Variants in MX2 observed in about 807,000 individuals in gnomAD.
The protein encoded by MX2 is interferon-induced GTP-binding protein Mx2.
MX2 carries 51 observed loss-of-function variants against 74.0 expected under a neutral mutation model. That is an observed-to-expected ratio of 0.69 (90% CI 0.55 to 0.87). MX2 has a LOEUF of 0.87. MX2 is among the 40% of genes least tolerant of loss of function. The pLI is 0.00. For missense variants in MX2, 832 were observed against 908.7 expected (o/e 0.92, Z 1.09); for synonymous variants, 369 against 339.3 (o/e 1.09, Z -0.96).
intron 13 of MX2, 104 bp from the exon 14 acceptor site, chr21:41,407,887 G>T: frequency 1.3e-6 from 2 of 1,487,742 alleles, no homozygotes; most frequent in East Asian, 2.3e-5. Flanking sequence ...CCAGGGCTTC[G>T]CCAGGCAACC....
At chr21:41,387,927 C>G (rs372751111) in intron 5 of MX2, among the ~76,000 whole-genome samples, 3 of 152,214 alleles carry the variant, frequency 2.0e-5, no homozygotes, top group East Asian at 3.9e-4. Flanking sequence ...TGGGGTCAGC[C>G]CTCCCTTTTC....
intron 8 of MX2, 71 bp from the exon 9 acceptor site, chr21:41,398,826 T>C: frequency 6.4e-7 from 1 of 1,573,158 alleles, no homozygotes; most frequent in African/African-American, 1.4e-5. Flanking sequence ...GGGCTCCTAC[T>C]CATATACCAA....
chr21:41,388,813 C>T lies in MX2; in HGVS notation c.733-1752C>T, dbSNP rs1288338946. 6.6e-6 allele frequency among the ~76,000 whole-genome samples: 1 copy of T among 152,186 alleles called. No individual in the cohort carries two copies. The highest frequency in any genetic ancestry group is 1.5e-5 in the Non-Finnish European group (1 of 68,040). On this transcript the variant is annotated intron_variant, in intron 5 of 13. Transcript: ENST00000330714. This position sits in a 1 kb window ranked among gnomAD's most constrained non-coding sequence, Gnocchi z 4.0. ...TGATTCCCAGCCCAGAGCTTTTGTA[C>T]CCCCAGGGGACACTGGCAATGTCAG...
chr21:41,370,025 C>G lies in MX2; in HGVS notation c.-71-6811C>G, dbSNP rs78094091. Among the ~76,000 whole-genome samples the G allele has an allele frequency of 5.6e-3, 850 of 152,256 alleles. 8 individuals carry two copies. The highest frequency in any genetic ancestry group is 0.02 in the African/African-American group (820 of 41,532). Reference sequence around the variant, plus strand: ...GTGGAGATTGTTTTGCTAGACTCGACGAGGGTAGCAAAGCAACAGGAAGTG... The same window carrying G: ...GTGGAGATTGTTTTGCTAGACTCGAGGAGGGTAGCAAAGCAACAGGAAGTG... On this transcript the variant is annotated intron_variant, in intron 1 of 13. Coordinates refer to ENST00000330714, the MANE Select transcript of MX2 (RefSeq NM_002463.2).
intron 5 of MX2, among the ~76,000 whole-genome samples, chr21:41,383,420 T>C (rs1184496642): frequency 1.3e-5 from 2 of 152,196 alleles, no homozygotes; most frequent in African/African-American, 4.8e-5. Flanking sequence ...CTCAGGTGCC[T>C]GAATCAAATG....
intron 6 of MX2, 87 bp downstream of exon 6, chr21:41,390,790 G>A: frequency 1.4e-6 from 2 of 1,452,986 alleles, no homozygotes; most frequent in Non-Finnish European, 9.5e-7. Context: ...CGGATCACGA[G>A]GTCAGGAGAT....
intron 5 of MX2, among the ~76,000 whole-genome samples, chr21:41,384,731 T>C (rs539044269): frequency 6.6e-6 from 1 of 152,034 alleles, no homozygotes; most frequent in South Asian, 2.1e-4. Context: ...ATTAATTAGG[T>C]TCCAGCTACT....
chr21:41,393,691 G>C (rs934302571), intron 6 of MX2, among the ~76,000 whole-genome samples: 2 of 149,866 alleles, frequency 1.3e-5, no homozygotes, highest in East Asian at 3.9e-4. Context: ...ATCCGGCTGT[G>C]GTTTGTAATC....
Position 41,377,068 on chromosome 21 carries a change from G to C in MX2, c.162G>C (p.Lys54Asn). The change falls in exon 2 of 14, where the codon AAG (lysine) becomes AAC (asparagine). Residue 54 changes from lysine to asparagine, a missense_variant. Lys to Asn is a moderately conservative substitution (Grantham distance 94). Coordinates refer to ENST00000330714, the MANE Select transcript of MX2 (RefSeq NM_002463.2). ...MFPPNWQGAE[K>N]DAAFLAKDFN... ...CTCCAAACTGGCAGGGGGCAGAGAA[G>C]GACGCTGCTTTCCTCGCCAAGGACT... 1 of 1,614,222 alleles carries C rather than the reference G, an allele frequency of 6.2e-7. No individual in the cohort carries two copies. The highest frequency in any genetic ancestry group is 8.5e-7 in the Non-Finnish European group (1 of 1,180,032).
At position 41,388,385 on chromosome 21, in the gene MX2, C is replaced by T. The variant is rs551325823; in HGVS notation, c.733-2180C>T. On this transcript the variant is annotated intron_variant, in intron 5 of 13. Coordinates refer to ENST00000330714, the MANE Select transcript of MX2 (RefSeq NM_002463.2). The surrounding 1 kb of genome is among the most constrained non-coding windows in gnomAD (Gnocchi z 4.0). ...GCCTGGACTCTTGCGTGTGCATGCACGCTTCCCACTGCCCGGTGCTCTGCC... is the reference window on the plus strand; with the variant it reads ...GCCTGGACTCTTGCGTGTGCATGCATGCTTCCCACTGCCCGGTGCTCTGCC... Among the ~76,000 whole-genome samples, 22 of 152,326 alleles carry T rather than the reference C, an allele frequency of 1.4e-4. 1 individual carries two copies. The South Asian group carries it at 3.3e-3, about 23-fold the overall frequency.
intron 12 of MX2, chr21:41,403,960 C>A (rs1310955227): frequency 4.0e-6 from 1 of 249,036 alleles, no homozygotes; most frequent in Non-Finnish European, 8.1e-6. Flanking sequence ...AAAATTAAAT[C>A]CCAGTTCTGA....
chr21:41,387,865 C>T (rs1002909123), intron 5 of MX2, among the ~76,000 whole-genome samples: 2 of 152,204 alleles, frequency 1.3e-5, no homozygotes, highest in Admixed American at 1.3e-4. Context: ...ATAGACATCC[C>T]CGTCTCAGAC....
chr21:41,400,393 T>C (rs958083686), intron 10 of MX2, among the ~76,000 whole-genome samples: 1 of 152,180 alleles, frequency 6.6e-6, no homozygotes, highest in Non-Finnish European at 1.5e-5. Flanking sequence ...TTGCCCCTAA[T>C]TCAAGATCAG....
At chr21:41,383,289 G>A (rs1017888989) in intron 5 of MX2, among the ~76,000 whole-genome samples, 2 of 152,218 alleles carry the variant, frequency 1.3e-5, no homozygotes, top group African/African-American at 2.4e-5. Context: ...AAGCCCAGGA[G>A]GTCAAGGCTG....
In MX2 at chr21:41,408,252, G is replaced by T. The variant is rs1445183579; in HGVS notation, c.*19G>T. ...CCACTGAAGGGCGGCGATGCCTGTG[G>T]TTGTTTTCTTGTGCGTACTCATTCA... On this transcript the variant is annotated 3_prime_UTR_variant, in exon 14 of 14. Transcript: ENST00000330714. 5.0e-6 allele frequency: 8 copies of T among 1,612,368 alleles called. No homozygotes were observed. The highest frequency in any genetic ancestry group is 1.3e-5 in the African/African-American group (1 of 74,862).
At chr21:41,369,910 C>T (rs2089301047) in intron 1 of MX2, among the ~76,000 whole-genome samples, 1 of 149,582 alleles carries the variant, frequency 6.7e-6, no homozygotes, top group African/African-American at 2.5e-5. Context: ...AGTCGGGGAA[C>T]TTCCAGGAAG....
At position 41,368,455 on chromosome 21, in the gene MX2, G is replaced by A. The variant is rs1325787299; in HGVS notation, c.-72+6400G>A. Among the ~76,000 whole-genome samples, 1 of 152,092 alleles carries A rather than the reference G, an allele frequency of 6.6e-6. No homozygotes were observed. Among genetic ancestry groups the A allele is most frequent in the African/African-American group, 2.4e-5 (1 of 41,396 alleles). ...TCCTCCCTAAACTGCAATGGGGAGG[G>A]GGACTGAGGGAATTCTCATCCCCTA... On this transcript the variant is annotated intron_variant, in intron 1 of 13. Transcript: ENST00000330714. This position sits in a 1 kb window ranked among gnomAD's most constrained non-coding sequence, Gnocchi z 4.6.
intron 12 of MX2, chr21:41,404,479 A>C (rs748845807): frequency 6.6e-6 from 1 of 152,256 alleles, no homozygotes; most frequent in Admixed American, 6.5e-5. Context: ...ACGTGGGAAA[A>C]AGAAATACAA....
chr21:41,382,373 T>C, intron 4 of MX2, 37 bp from the exon 5 acceptor site: 1 of 1,601,554 alleles, frequency 6.2e-7, no homozygotes, highest in South Asian at 1.1e-5. Context: ...GGATCATTAA[T>C]GAGGGCTCTG....
Sources: allele counts gnomAD v4.1 joint callset (sites outside exome capture counted in the v4.1 genomes callset), GRCh38; gene constraint gnomAD v4.1.1; non-coding constraint Gnocchi (gnomAD v3.1); transcripts MANE v1.5; gene names NCBI Gene and HGNC (gene_info 2026-07-23, HGNC 2026-07-21).